TIMM44: variants seen among roughly 807,000 people sequenced by gnomAD.
TIMM44 encodes translocase of inner mitochondrial membrane 44.
TIMM44 carries 37 observed loss-of-function variants against 63.8 expected under a neutral mutation model. The observed-to-expected ratio is 0.58, with a 90% confidence interval of 0.45 to 0.76. The LOEUF is 0.76. Ranked by LOEUF, TIMM44 falls within the 30% of genes least tolerant of loss-of-function variation. The probability of loss-of-function intolerance (pLI) is 0.00; values close to 1 mark genes in which losing one functional copy is unlikely to be tolerated. For synonymous variants in TIMM44, 239 were observed against 245.1 expected, an observed-to-expected ratio of 0.98 and a Z score of 0.23; for missense variants, 573 against 603.8, an observed-to-expected ratio of 0.95 and a Z score of 0.54.
intron 10 of TIMM44, among the ~76,000 whole-genome samples, chr19:7,930,468 C>T (rs1054569499): frequency 1.3e-5 from 2 of 151,994 alleles, no homozygotes; most frequent in African/African-American, 4.8e-5. Flanking sequence ...ACCAGCATGC[C>T]TGGCTAACTT....
At chr19:7,929,019 A>T (rs1457991322) in intron 10 of TIMM44, 1 of 151,886 alleles carries the variant, frequency 6.6e-6, no homozygotes. Context: ...AGAAAATCTG[A>T]CATCTTCTCC....
rs569830020 is a variant in TIMM44, at chr19:7,934,539, G to C, written c.394-301C>G. 1.2e-3 allele frequency among the ~76,000 whole-genome samples: 190 copies of C among 152,264 alleles called. No individual in the cohort carries two copies. The highest frequency in any genetic ancestry group is 4.4e-3 in the African/African-American group (181 of 41,554). Reference sequence around the variant, plus strand: ...CCACGGCTTCCGGGATGCTGGCCCTGGGCTCTGGGTGAGACGCTGGGTCTG... The same window carrying C: ...CCACGGCTTCCGGGATGCTGGCCCTCGGCTCTGGGTGAGACGCTGGGTCTG... On this transcript the variant is annotated intron_variant, in intron 4 of 12. Transcript: ENST00000270538. The surrounding 1 kb of genome is among the most constrained non-coding windows in gnomAD (Gnocchi z 5.3).
intron 10 of TIMM44, among the ~76,000 whole-genome samples, chr19:7,930,091 C>A (rs572060782): frequency 6.6e-6 from 1 of 151,850 alleles, no homozygotes; most frequent in Non-Finnish European, 1.5e-5. Context: ...TCAGGTGATC[C>A]GCCCGCCTCA....
Position 7,927,773 on chromosome 19 carries a change from G to A in TIMM44, c.1129-6C>T, listed in dbSNP as rs777136110. The stretch of plus-strand genomic sequence containing the variant: ...ATCATCTTGCCCATGGCCAGCTGCA[G>A]AGGGGCCGAGAGGGGGGATGTGCCT... On this transcript the variant is annotated splice_region_variant and splice_polypyrimidine_tract_variant and intron_variant, in intron 11 of 12. Coordinates refer to ENST00000270538, the MANE Select transcript of TIMM44 (RefSeq NM_006351.4). The A allele has an allele frequency of 1.2e-6, 2 of 1,608,116 alleles. No homozygotes were observed. Among genetic ancestry groups the A allele is most frequent in the Non-Finnish European group, 1.7e-6 (2 of 1,179,318 alleles).
intron 3 of TIMM44, among the ~76,000 whole-genome samples, chr19:7,935,842 A>G (rs35065193): frequency 0.095 from 14,487 of 152,136 alleles, 804 homozygotes; most frequent in African/African-American, 0.16. Context: ...TCAGCCTGCT[A>G]TGTCTTCAGA....
rs771182046 is a variant in TIMM44 at position 7,934,243 on chromosome 19, T to C, written c.394-5A>G. On this transcript the variant is annotated splice_region_variant and splice_polypyrimidine_tract_variant and intron_variant, in intron 4 of 12. Coordinates refer to ENST00000270538, the MANE Select transcript of TIMM44 (RefSeq NM_006351.4). The surrounding 1 kb of genome is among the most constrained non-coding windows in gnomAD (Gnocchi z 5.3). ...TTTACTGACTTCGTGAAGGCTCTAC[T>C]GAGACAGACACAGAGAGGGGGCGTT... 1.9e-6 allele frequency: 3 copies of C among 1,611,146 alleles called. No homozygotes were observed. The highest frequency in any genetic ancestry group is 1.6e-4 in the Middle Eastern group (1 of 6,084).
chr19:7,933,707 T>A lies in TIMM44; in HGVS notation c.684-137A>T. The A allele has an allele frequency of 7.5e-7, 1 of 1,337,880 alleles. No individual in the cohort carries two copies. The highest frequency in any genetic ancestry group is 1.1e-6 in the Non-Finnish European group (1 of 939,048). The allele number at this position is 1,337,880 out of a possible 1,614,324, so 82.9% of individuals were successfully genotyped here. A position where few individuals can be genotyped will look rare whatever the true frequency, so the allele number is the denominator to read the frequency against. ...CCTAGGGGCTCTGAGGACCCCGCCC[T>A]CACCTCTCACCCTCAAATTCGAGGG... On this transcript the variant is annotated intron_variant, in intron 6 of 12. Coordinates refer to ENST00000270538, the MANE Select transcript of TIMM44 (RefSeq NM_006351.4). The surrounding 1 kb of genome is among the most constrained non-coding windows in gnomAD (Gnocchi z 4.3).
Position 7,933,853 on chromosome 19 carries a change from C to T in TIMM44, c.683+11G>A. ...AAATGGGGGCAGCGAGGGCCACGGG[C>T]TGGTACCTACTCGTTTGGCTCAAAC... On this transcript the variant is annotated intron_variant, in intron 6 of 12. Coordinates refer to ENST00000270538, the MANE Select transcript of TIMM44 (RefSeq NM_006351.4). The surrounding 1 kb of genome is among the most constrained non-coding windows in gnomAD (Gnocchi z 4.3). 1 of 1,614,030 alleles carries T rather than the reference C, an allele frequency of 6.2e-7. No homozygotes were observed. The highest frequency in any genetic ancestry group is 1.7e-5 in the Admixed American group (1 of 60,030).
rs1984094853 is a variant in TIMM44 at position 7,934,755 on chromosome 19, G to A, written c.393+310C>T. On this transcript the variant is annotated intron_variant, in intron 4 of 12. Transcript: ENST00000270538. This position sits in a 1 kb window ranked among gnomAD's most constrained non-coding sequence, Gnocchi z 5.3. ...AATCCTGCCTCCCGCCTCTACCCTC[G>A]GGAGGGGGTGGAAGCGGCCCCTCTC... 6.6e-6 allele frequency among the ~76,000 whole-genome samples: 1 copy of A among 152,160 alleles called. No homozygotes were observed. The highest frequency in any genetic ancestry group is 2.1e-4 in the South Asian group (1 of 4,836).
chr19:7,932,747 G>T lies in TIMM44; in HGVS notation c.867C>A (p.Gly289=). The T allele has an allele frequency of 9.3e-6, 15 of 1,614,102 alleles. No homozygotes were observed. Among genetic ancestry groups the T allele is most frequent in the Non-Finnish European group, 1.3e-5 (15 of 1,179,982 alleles). The change falls in exon 9 of 13, where the codon GGC becomes GGA. Residue 289 remains glycine, a synonymous_variant. Transcript: ENST00000270538. ...LTDKVTDLLG[G]LFSKTEMSEV... is the part of the protein sequence containing the mutation. ...CCGACATCTCTGTCTTGGAGAACAG[G>T]CCCCCTGCAGGGAGCAGAGCCGGGA...
chr19:7,937,147 C>T (rs813816), intron 3 of TIMM44, among the ~76,000 whole-genome samples: 6,261 of 149,706 alleles, frequency 0.042, 427 homozygotes, highest in African/African-American at 0.14. Flanking sequence ...GGTGTGGTGG[C>T]GGGCGCCTGT....
chr19:7,931,470 G>A, intron 9 of TIMM44: 1 of 468,344 alleles, frequency 2.1e-6, no homozygotes. Flanking sequence ...ACCTGGTGGA[G>A]GAAGAGAAAG....
chr19:7,934,174 G>A lies in TIMM44; in HGVS notation c.458C>T (p.Ala153Val). ...RKIKEGVEEA[A>V]KTAKQSAESV... The stretch of plus-strand genomic sequence containing the variant: ...CTCGGCCGACTGCTTGGCCGTCTTG[G>A]CTGCTTCCTCCACGCCCTCCTTGAT... The change falls in exon 5 of 13, where the codon GCC becomes GTC. Residue 153 changes from alanine (A) to valine (V), a missense_variant. By Grantham distance (64) the Ala-to-Val change is moderately conservative. Coordinates refer to ENST00000270538, the MANE Select transcript of TIMM44 (RefSeq NM_006351.4). The surrounding 1 kb of genome is among the most constrained non-coding windows in gnomAD (Gnocchi z 5.3). 1.2e-6 allele frequency: 2 copies of A among 1,613,556 alleles called. No homozygotes were observed. Among genetic ancestry groups the A allele is most frequent in the Middle Eastern group, 1.6e-4 (1 of 6,062 alleles).
chr19:7,933,668 G>T lies in TIMM44; in HGVS notation c.684-98C>A. On this transcript the variant is annotated intron_variant, in intron 6 of 12. Transcript: ENST00000270538. This position sits in a 1 kb window ranked among gnomAD's most constrained non-coding sequence, Gnocchi z 4.3. Reference sequence around the variant, plus strand: ...AGGGGGCAGTACAGGACAGCAGGCAGCTGAGACCTCAAACCTAGGGGCTCT... The same window carrying T: ...AGGGGGCAGTACAGGACAGCAGGCATCTGAGACCTCAAACCTAGGGGCTCT... 1 of 1,317,928 alleles carries T rather than the reference G, an allele frequency of 7.6e-7. No homozygotes were observed. The allele number at this position is 1,317,928 out of a possible 1,614,324, so 81.6% of individuals were successfully genotyped here. A position where few individuals can be genotyped will look rare whatever the true frequency, so the allele number is the denominator to read the frequency against.
Position 7,933,659 on chromosome 19 carries a change from C to G in TIMM44, c.684-89G>C, listed in dbSNP as rs1009121738. ...GCTGCAGGCAGGGGGCAGTACAGGA[C>G]AGCAGGCAGCTGAGACCTCAAACCT... On this transcript the variant is annotated intron_variant, in intron 6 of 12. Coordinates refer to ENST00000270538, the MANE Select transcript of TIMM44 (RefSeq NM_006351.4). This position sits in a 1 kb window ranked among gnomAD's most constrained non-coding sequence, Gnocchi z 4.3. The G allele has an allele frequency of 6.7e-6, 9 of 1,346,438 alleles. No individual in the cohort carries two copies. Among genetic ancestry groups the G allele is most frequent in the Non-Finnish European group, 9.6e-6 (9 of 939,966 alleles). The allele number at this position is 1,346,438 out of a possible 1,614,324, so 83.4% of individuals were successfully genotyped here.
rs749439940 is a variant in TIMM44, at chr19:7,927,289, C to A, written c.1257G>T (p.Met419Ile). 2 of 1,611,370 alleles carry A rather than the reference C, an allele frequency of 1.2e-6. No homozygotes were observed. Among genetic ancestry groups the A allele is most frequent in the South Asian group, 2.2e-5 (2 of 91,022 alleles). The change falls in exon 13 of 13, where the codon ATG becomes ATT. Residue 419 changes from methionine to isoleucine, a missense_variant. Coordinates refer to ENST00000270538, the MANE Select transcript of TIMM44 (RefSeq NM_006351.4). ...CTCGGCAGAGCGCCCACACGTACAGCATCCGCAGCACCTTGTCCTGCAGGG... is the reference window on the plus strand; with the variant it reads ...CTCGGCAGAGCGCCCACACGTACAGAATCCGCAGCACCTTGTCCTGCAGGG... ...VEGDPDKVLR[M>I]LYVWALCRDQ...
At chr19:7,931,071 T>A in intron 10 of TIMM44, 67 bp downstream of exon 10, 6 of 1,508,972 alleles carry the variant, frequency 4.0e-6, no homozygotes, top group Non-Finnish European at 1.8e-6. Flanking sequence ...GCCACCGAAG[T>A]GGAACTTCTC....
intron 3 of TIMM44, among the ~76,000 whole-genome samples, chr19:7,935,540 T>C (rs950831653): frequency 6.6e-5 from 10 of 152,172 alleles, no homozygotes; most frequent in Non-Finnish European, 1.3e-4. Context: ...CCAAGAAGCA[T>C]CTTCTCCGCA....
At chr19:7,927,960 A>C (rs529915396) in intron 11 of TIMM44, 117 bp downstream of exon 11, 2 of 1,194,454 alleles carry the variant, frequency 1.7e-6, no homozygotes, top group South Asian at 2.6e-5. Context: ...GACAAGCCCA[A>C]GACCTCTTGG....
Sources: gnomAD v4.1 joint callset for allele counts (sites outside exome capture counted in the v4.1 genomes callset) on GRCh38, gnomAD v4.1.1 for gene constraint, Gnocchi (gnomAD v3.1) non-coding constraint, MANE v1.5 for transcripts, NCBI Gene and HGNC (gene_info 2026-07-23, HGNC 2026-07-21) for gene names.